Variants in STEAP1 observed in about 807,000 individuals in gnomAD.
STEAP1 encodes STEAP1 protein.
In STEAP1, 30 loss-of-function variants were observed where a neutral mutation model predicts 34.4. The ratio of observed to expected loss-of-function variants is 0.87; its 90% CI spans 0.65 to 1.18. The LOEUF (loss-of-function observed/expected upper bound fraction) is 1.18, where lower values mean the gene tolerates loss of function less well. Among genes scored for constraint, STEAP1 ranks in the 50% most tolerant of loss-of-function variants. The pLI, the probability that STEAP1 is intolerant of heterozygous loss-of-function variation, is 0.00. For missense variants in STEAP1, 318 were observed against 391.1 expected (o/e 0.81, Z 1.58); for synonymous variants, 116 against 135.3 (o/e 0.86, Z 0.99).
At chr7:90,156,797 T>C (rs1287508171) in intron 1 of STEAP1, among the ~76,000 whole-genome samples, 1 of 152,118 alleles carries the variant, frequency 6.6e-6, no homozygotes, top group Non-Finnish European at 1.5e-5. Flanking sequence ...AGACGCCTGC[T>C]CCCACTTCAC....
chr7:90,163,450 A>G (rs573578801), intron 4 of STEAP1, among the ~76,000 whole-genome samples: 15 of 152,350 alleles, frequency 9.8e-5, no homozygotes, highest in African/African-American at 3.4e-4. Context: ...TAGGTATACA[A>G]TACACATTTG....
chr7:90,162,126 T>A (rs1425874545), intron 4 of STEAP1, 48 bp downstream of exon 4: 1 of 1,539,448 alleles, frequency 6.5e-7, no homozygotes, highest in Non-Finnish European at 8.7e-7. Flanking sequence ...TCTTTTTGTG[T>A]TTATGATATA....
intron 1 of STEAP1, 66 bp downstream of exon 1, chr7:90,154,609 G>A (rs939594355): frequency 2.6e-5 from 4 of 152,722 alleles, no homozygotes; most frequent in African/African-American, 7.2e-5. Context: ...TCCCTGCAAG[G>A]CTGGGCGCCC....
chr7:90,162,004 C>G lies in STEAP1; in HGVS notation c.688C>G (p.Leu230Val). 1.2e-6 allele frequency: 2 copies of G among 1,613,890 alleles called. No individual in the cohort carries two copies. The highest frequency in any genetic ancestry group is 1.7e-6 in the Non-Finnish European group (2 of 1,179,826). The change falls in exon 4 of 5, where the codon CTG (leucine) becomes GTG (valine). Residue 230 changes from leucine (L) to valine (V), a missense_variant. Transcript: ENST00000297205. ...VSLGIVGLAI[L>V]ALLAVTSIPS... is the part of the protein sequence containing the mutation. ...TCTGGGAATTGTGGGATTGGCAATA[C>G]TGGCTCTGTTGGCTGTGACATCTAT...
At chr7:90,154,771 G>T (rs1437340683) in intron 1 of STEAP1, among the ~76,000 whole-genome samples, 1 of 152,182 alleles carries the variant, frequency 6.6e-6, no homozygotes, top group African/African-American at 2.4e-5. Flanking sequence ...CGGGCCGGGG[G>T]TTGGGGAGAG....
chr7:90,164,354 G>A, intron 4 of STEAP1, 123 bp from the exon 5 acceptor site: 1 of 1,196,000 alleles, frequency 8.4e-7, no homozygotes, highest in Non-Finnish European at 1.1e-6. Context: ...ACATTGTTGA[G>A]AAATGTGATA....
chr7:90,155,986 G>C (rs1362324424), intron 1 of STEAP1, among the ~76,000 whole-genome samples: 6 of 152,106 alleles, frequency 3.9e-5, no homozygotes, highest in Admixed American at 6.5e-5. Context: ...AGGATACATC[G>C]CTCTACCATG....
intron 3 of STEAP1, among the ~76,000 whole-genome samples, chr7:90,161,564 C>T (rs377512762): frequency 6.6e-5 from 10 of 152,080 alleles, no homozygotes; most frequent in Middle Eastern, 3.4e-3. Context: ...TGTTCATGGA[C>T]GAGGCCATAT....
At position 90,164,418 on chromosome 7, in the gene STEAP1, G is replaced by A. The variant is rs1343156935; in HGVS notation, c.763-59G>A. On this transcript the variant is annotated intron_variant, in intron 4 of 4. Transcript: ENST00000297205. ...AAGCAACAGAGCATATCCAGATGAG[G>A]TAGGATGGGATAAACTCTTATTGAA... The A allele has an allele frequency of 3.3e-6, 5 of 1,529,050 alleles. No homozygotes were observed. The African/African-American group carries it at 6.9e-5, about 21-fold the overall frequency. The allele number at this position is 1,529,050 out of a possible 1,614,324, so 94.7% of individuals were successfully genotyped here.
rs974633416 is a variant in STEAP1, at chr7:90,154,558, T to C, written c.-32+15T>C. ...GCGAAGAGTGGGTGAGTCCCTTGAATCGTTCTCACTGGCCGTTTGCTCCTC... is the reference window on the plus strand; with the variant it reads ...GCGAAGAGTGGGTGAGTCCCTTGAACCGTTCTCACTGGCCGTTTGCTCCTC... On this transcript the variant is annotated intron_variant, in intron 1 of 4. Transcript: ENST00000297205. 10 of 153,324 alleles carry C rather than the reference T, an allele frequency of 6.5e-5. No individual in the cohort carries two copies. Among genetic ancestry groups the C allele is most frequent in the African/African-American group, 1.9e-4 (8 of 41,476 alleles). 9.5% of individuals were successfully genotyped at this position (153,324 alleles called of 1,614,324 possible).
chr7:90,154,596 G>C (rs1270221329), intron 1 of STEAP1, 53 bp downstream of exon 1: 1 of 152,956 alleles, frequency 6.5e-6, no homozygotes, highest in Non-Finnish European at 1.5e-5. Flanking sequence ...GTCCGCCCGC[G>C]TGTCCCTGCA....
intron 4 of STEAP1, 148 bp downstream of exon 4, chr7:90,162,226 G>T: frequency 8.0e-7 from 1 of 1,242,642 alleles, no homozygotes. Context: ...GTGCTCTCCT[G>T]TTGTTTTCCC....
chr7:90,155,960 A>G (rs1465004340), intron 1 of STEAP1, among the ~76,000 whole-genome samples: 3 of 152,110 alleles, frequency 2.0e-5, no homozygotes, highest in African/African-American at 7.2e-5. Flanking sequence ...CTGCCTGTAA[A>G]ACTTTATCCT....
Position 90,160,938 on chromosome 7 carries a change from T to G in STEAP1, c.218T>G (p.Leu73Trp). 6.2e-7 allele frequency: 1 copy of G among 1,614,034 alleles called. No homozygotes were observed. Residue 73 changes from leucine (L) to tryptophan (W), a missense_variant, in exon 3 of 5, where the codon TTG becomes TGG. By Grantham distance (61) the Leu-to-Trp change is moderately conservative (BLOSUM62 -2). Transcript: ENST00000297205. ...CAGGAACTCTTTCCACAGTGGCACTTGCCAATTAAAATAGCTGCTATTATA... is the reference window on the plus strand; with the variant it reads ...CAGGAACTCTTTCCACAGTGGCACTGGCCAATTAAAATAGCTGCTATTATA... ...HTQELFPQWH[L>W]PIKIAAIIAS...
intron 4 of STEAP1, among the ~76,000 whole-genome samples, chr7:90,162,491 G>C (rs1794200167): frequency 6.6e-6 from 1 of 151,870 alleles, no homozygotes; most frequent in African/African-American, 2.4e-5. Flanking sequence ...ACCATGTCCA[G>C]CTAATTTTTG....
In STEAP1 at chr7:90,160,889, T is replaced by A; in HGVS notation, c.169T>A (p.Cys57Ser). The A allele has an allele frequency of 1.9e-6, 3 of 1,614,044 alleles. No homozygotes were observed. Among genetic ancestry groups the A allele is most frequent in the Non-Finnish European group, 2.5e-6 (3 of 1,179,872 alleles). The change falls in exon 3 of 5, where the codon TGC (cysteine) becomes AGC (serine). Residue 57 changes from cysteine (C) to serine (S), a missense_variant. Coordinates refer to ENST00000297205, the MANE Select transcript of STEAP1 (RefSeq NM_012449.3). ...HQTAHADEFD[C>S]PSELQHTQEL... ...AACAGCCCATGCTGATGAATTTGAC[T>A]GCCCTTCAGAACTTCAGCACACACA...
At chr7:90,157,988 C>A (rs984020046) in intron 1 of STEAP1, among the ~76,000 whole-genome samples, 1 of 152,210 alleles carries the variant, frequency 6.6e-6, no homozygotes, top group Non-Finnish European at 1.5e-5. Context: ...GGCTACTAAT[C>A]TGTATAGCAT....
chr7:90,162,127 T>G lies in STEAP1; in HGVS notation c.762+49T>G, dbSNP rs527732870. 71 of 1,538,874 alleles carry G rather than the reference T, an allele frequency of 4.6e-5. No individual in the cohort carries two copies. The African/African-American group carries it at 9.1e-4, about 20-fold the overall frequency. ...TAAGAGGTAAATCTTCTTTTTGTGTTTATGATATAGAATATGTTGACTTTA... is the reference window on the plus strand; with the variant it reads ...TAAGAGGTAAATCTTCTTTTTGTGTGTATGATATAGAATATGTTGACTTTA... On this transcript the variant is annotated intron_variant, in intron 4 of 4. Coordinates refer to ENST00000297205, the MANE Select transcript of STEAP1 (RefSeq NM_012449.3).
intron 1 of STEAP1, 33 bp from the exon 2 acceptor site, chr7:90,159,725 T>C: frequency 8.3e-7 from 1 of 1,207,330 alleles, no homozygotes; most frequent in Non-Finnish European, 1.1e-6. Context: ...ATAAGTAGAA[T>C]GGACATGAAA....
Sources: allele counts gnomAD v4.1 joint callset (sites outside exome capture counted in the v4.1 genomes callset), GRCh38; gene constraint gnomAD v4.1.1; transcripts MANE v1.5; gene names NCBI Gene and HGNC (gene_info 2026-07-23, HGNC 2026-07-21).